RORA: variants seen among roughly 807,000 people sequenced by gnomAD.
The protein encoded by RORA is nuclear receptor ROR-alpha.
A neutral mutation model predicts 69.5 loss-of-function variants in RORA; 7 were observed. The observed-to-expected ratio is 0.10, with a 90% CI of 0.06 to 0.19. RORA has a LOEUF of 0.19. Among genes scored for constraint, RORA ranks in the 10% least tolerant of loss-of-function variants. The probability of loss-of-function intolerance (pLI) is 1.00; values close to 1 mark genes in which losing one functional copy is unlikely to be tolerated. For synonymous variants in RORA, 261 were observed against 240.8 expected (o/e 1.08, Z -0.78); for missense variants, 457 against 663.0 (o/e 0.69, Z 3.41).
intron 2 of RORA, among the ~76,000 whole-genome samples, chr15:60,648,220 A>G (rs1009295255): frequency 6.6e-6 from 1 of 152,238 alleles, no homozygotes; most frequent in African/African-American, 2.4e-5. Flanking sequence ...TATACAATAA[A>G]CCACATACCT....
chr15:60,884,349 A>C (rs2073728259), intron 1 of RORA, among the ~76,000 whole-genome samples: 1 of 149,780 alleles, frequency 6.7e-6, no homozygotes, highest in Admixed American at 6.6e-5. Context: ...TTTTTTTTTC[A>C]AAAGTGCCTC....
intron 1 of RORA, among the ~76,000 whole-genome samples, chr15:60,943,194 G>C (rs1892752359): frequency 6.6e-6 from 1 of 152,228 alleles, no homozygotes; most frequent in Non-Finnish European, 1.5e-5. Context: ...AGGTGACTTT[G>C]CTAGGATGCT....
At chr15:60,523,787 T>A (rs1397661420) in intron 3 of RORA, among the ~76,000 whole-genome samples, 1 of 152,220 alleles carries the variant, frequency 6.6e-6, no homozygotes, top group Non-Finnish European at 1.5e-5. Context: ...TCCTCCCACT[T>A]CAGCCTTCTC....
At chr15:60,561,211 A>G (rs2067548252) in intron 2 of RORA, among the ~76,000 whole-genome samples, 1 of 151,442 alleles carries the variant, frequency 6.6e-6, no homozygotes. Context: ...CCTCCCGAGT[A>G]GCTGGGACTA....
chr15:60,684,381 C>T lies in RORA; in HGVS notation c.167-5695G>A, dbSNP rs529775994. ...CTGTAATCCCAGAACTTTGGGAGGC[C>T]GAGATGGGTGGATCATGACGTCAGG... On this transcript the variant is annotated intron_variant, in intron 1 of 10. Coordinates refer to ENST00000335670, the MANE Select transcript of RORA (RefSeq NM_134261.3). 3.1e-4 allele frequency among the ~76,000 whole-genome samples: 47 copies of T among 152,194 alleles called. 1 individual carries two copies. Among genetic ancestry groups the T allele is most frequent in the African/African-American group, 9.9e-4 (41 of 41,524 alleles).
intron 1 of RORA, among the ~76,000 whole-genome samples, chr15:61,199,952 T>A (rs1375204065): frequency 6.6e-6 from 1 of 152,076 alleles, no homozygotes; most frequent in African/African-American, 2.4e-5. Context: ...CTGGGACAGG[T>A]GAAGCAAGAG....
intron 1 of RORA, among the ~76,000 whole-genome samples, chr15:60,897,930 A>C (rs1891273506): frequency 6.6e-6 from 1 of 152,252 alleles, no homozygotes; most frequent in Admixed American, 6.5e-5. Flanking sequence ...CCCATATTGG[A>C]TTAGAAAAAG....
intron 1 of RORA, among the ~76,000 whole-genome samples, chr15:61,115,778 T>C (rs1325458332): frequency 6.6e-6 from 1 of 152,052 alleles, no homozygotes; most frequent in Non-Finnish European, 1.5e-5. Context: ...AACTAAATGA[T>C]CCAGTAATTA....
At chr15:60,972,406 C>A (rs1336792524) in intron 1 of RORA, among the ~76,000 whole-genome samples, 1 of 152,188 alleles carries the variant, frequency 6.6e-6, no homozygotes, top group Non-Finnish European at 1.5e-5. Flanking sequence ...ACTCCCCAAC[C>A]AAGCATCTGT....
chr15:60,868,722 G>A (rs186737085), intron 1 of RORA, among the ~76,000 whole-genome samples: 1 of 152,280 alleles, frequency 6.6e-6, no homozygotes. Context: ...GGATTCTAAT[G>A]TCATTTTATT....
At chr15:60,746,295 C>A (rs1010426736) in intron 1 of RORA, among the ~76,000 whole-genome samples, 15 of 151,884 alleles carry the variant, frequency 9.9e-5, no homozygotes, top group African/African-American at 3.6e-4. Flanking sequence ...GGGCCATGTG[C>A]ATTTTTTTTT....
chr15:61,115,106 G>A (rs1422013930), intron 1 of RORA, among the ~76,000 whole-genome samples: 2 of 152,160 alleles, frequency 1.3e-5, no homozygotes, highest in East Asian at 1.9e-4. Context: ...GTGAAGCCTA[G>A]AGGACTGCAG....
In RORA at chr15:60,862,325, T is replaced by C. The variant is rs77730585; in HGVS notation, c.167-183639A>G. 3.4e-3 allele frequency among the ~76,000 whole-genome samples: 514 copies of C among 152,356 alleles called. 4 individuals carry two copies. Among genetic ancestry groups the C allele is most frequent in the African/African-American group, 0.011 (477 of 41,592 alleles). ...GCTAAGGGAATCTCAGAACCGTTTA[T>C]GTGCTAAAATTCTTAGCTTAGATGT... is the stretch of plus-strand genomic sequence containing the variant. On this transcript the variant is annotated intron_variant, in intron 1 of 10. Transcript: ENST00000335670.
At chr15:60,809,246 G>T (rs2072707984) in intron 1 of RORA, among the ~76,000 whole-genome samples, 1 of 152,126 alleles carries the variant, frequency 6.6e-6, no homozygotes, top group Non-Finnish European at 1.5e-5. Context: ...CCTAAAAATG[G>T]CCAGGTGGAT....
At chr15:61,188,128 T>A (rs1307052350) in intron 1 of RORA, among the ~76,000 whole-genome samples, 1 of 152,120 alleles carries the variant, frequency 6.6e-6, no homozygotes, top group African/African-American at 2.4e-5. Context: ...AACCCCAAGC[T>A]GTCTGGGCTT....
At chr15:61,095,594 T>C (rs2078777274) in intron 1 of RORA, among the ~76,000 whole-genome samples, 1 of 152,166 alleles carries the variant, frequency 6.6e-6, no homozygotes, top group Admixed American at 6.5e-5. Context: ...GAGAATGAGG[T>C]TGTGCAAGGA....
intron 1 of RORA, among the ~76,000 whole-genome samples, chr15:61,206,146 C>T (rs1335175277): frequency 7.2e-6 from 1 of 139,616 alleles, no homozygotes; most frequent in Non-Finnish European, 1.6e-5. Flanking sequence ...GGATAACATT[C>T]TTATTAACTC....
At chr15:60,920,181 T>A (rs954808002) in intron 1 of RORA, among the ~76,000 whole-genome samples, 27 of 152,230 alleles carry the variant, frequency 1.8e-4, no homozygotes, top group African/African-American at 6.3e-4. Flanking sequence ...GACCTTGGAA[T>A]TATGTATGCA....
At chr15:60,878,272 A>G (rs1595786072) in intron 1 of RORA, among the ~76,000 whole-genome samples, 1 of 124,300 alleles carries the variant, frequency 8.0e-6, no homozygotes, top group African/African-American at 3.1e-5. Flanking sequence ...TGAACCTGGG[A>G]GGCGGAGCTT....
Sources: gnomAD v4.1 joint callset for allele counts (sites outside exome capture counted in the v4.1 genomes callset) on GRCh38, gnomAD v4.1.1 for gene constraint, MANE v1.5 for transcripts, NCBI Gene and HGNC (gene_info 2026-07-23, HGNC 2026-07-21) for gene names.